Variants in CHST9 observed in about 807,000 individuals in gnomAD.
The protein encoded by CHST9 is GalNAc-4-sulfotransferase 2.
A neutral mutation model predicts 44.4 loss-of-function variants in CHST9; 41 were observed. The observed-to-expected ratio is 0.92, with a 90% CI of 0.72 to 1.20. The LOEUF is 1.20. CHST9 is among the 50% of genes most tolerant of loss of function. CHST9 has a pLI of 0.00. For synonymous variants in CHST9, 171 were observed against 178.4 expected (o/e 0.96, Z 0.33); for missense variants, 504 against 516.5 (o/e 0.98, Z 0.23).
intron 4 of CHST9, among the ~76,000 whole-genome samples, chr18:26,964,338 G>A (rs1154215): frequency 6.6e-6 from 1 of 151,912 alleles, no homozygotes; most frequent in African/African-American, 2.4e-5. Flanking sequence ...ATTCTCAACC[G>A]CCCACCTGTT....
At chr18:26,956,199 C>T (rs1314483223) in intron 4 of CHST9, among the ~76,000 whole-genome samples, 1 of 150,942 alleles carries the variant, frequency 6.6e-6, no homozygotes, top group South Asian at 2.1e-4. Flanking sequence ...GTAGTCCCAG[C>T]TACTCAGGAG....
chr18:26,942,193 C>G (rs1598579407), intron 5 of CHST9, among the ~76,000 whole-genome samples: 1 of 152,056 alleles, frequency 6.6e-6, no homozygotes, highest in Admixed American at 6.5e-5. Context: ...TTTCTTGACT[C>G]TCTGCCAGAG....
At chr18:27,081,726 C>T (rs2057962702) in intron 2 of CHST9, among the ~76,000 whole-genome samples, 1 of 152,028 alleles carries the variant, frequency 6.6e-6, no homozygotes, top group Admixed American at 6.6e-5. Flanking sequence ...TAAAGTTTGC[C>T]TTAAGGTCCT....
intron 4 of CHST9, among the ~76,000 whole-genome samples, chr18:26,950,142 C>A (rs147205939): frequency 6.6e-6 from 1 of 152,192 alleles, no homozygotes; most frequent in African/African-American, 2.4e-5. Context: ...TTTTTCTCAG[C>A]TGTTCCTCAA....
rs540291413 is a variant in CHST9 at position 27,107,917 on chromosome 18, G to T, written c.121+34772C>A. Among the ~76,000 whole-genome samples, 6 of 152,282 alleles carry T rather than the reference G, an allele frequency of 3.9e-5. No homozygotes were observed. In the East Asian group the frequency reaches 1.2e-3, roughly 29 times the overall value. On this transcript the variant is annotated intron_variant, in intron 2 of 5. Coordinates refer to ENST00000618847, the MANE Select transcript of CHST9 (RefSeq NM_031422.6). The stretch of plus-strand genomic sequence containing the variant: ...CAGATTCCCCATCATGTGCATTTCT[G>T]CTTTGTGTTCTAGTTACACTCAATC...
intron 4 of CHST9, among the ~76,000 whole-genome samples, chr18:26,997,426 C>G (rs926535257): frequency 2.0e-5 from 3 of 152,178 alleles, no homozygotes; most frequent in African/African-American, 7.2e-5. Context: ...GTTACTTCTT[C>G]TTACATAATC....
intron 4 of CHST9, among the ~76,000 whole-genome samples, chr18:26,953,861 A>G (rs2056284954): frequency 1.3e-5 from 2 of 152,162 alleles, no homozygotes; most frequent in Non-Finnish European, 2.9e-5. Context: ...TTTCTGTACT[A>G]TCACCTACAT....
At chr18:26,920,554 T>C (rs1899200685) in intron 5 of CHST9, among the ~76,000 whole-genome samples, 1 of 152,234 alleles carries the variant, frequency 6.6e-6, no homozygotes, top group South Asian at 2.1e-4. Context: ...AGAGGTCTTA[T>C]CTTTCTTGCT....
At chr18:26,967,945 C>G (rs1426854447) in intron 4 of CHST9, among the ~76,000 whole-genome samples, 1 of 152,234 alleles carries the variant, frequency 6.6e-6, no homozygotes, top group Non-Finnish European at 1.5e-5. Flanking sequence ...GAACATCAGA[C>G]TCCAAGTTCT....
chr18:27,079,794 G>C (rs972338112), intron 2 of CHST9, among the ~76,000 whole-genome samples: 2 of 152,162 alleles, frequency 1.3e-5, no homozygotes, highest in East Asian at 3.9e-4. Flanking sequence ...GCCTTCTGCA[G>C]CTTCTAGAGG....
At chr18:27,017,278 A>G (rs2057166241) in intron 4 of CHST9, among the ~76,000 whole-genome samples, 1 of 152,218 alleles carries the variant, frequency 6.6e-6, no homozygotes, top group African/African-American at 2.4e-5. Context: ...TAAGTCAAAG[A>G]ACATCATATT....
intron 4 of CHST9, among the ~76,000 whole-genome samples, chr18:26,989,793 T>C (rs1465597603): frequency 6.6e-6 from 1 of 151,876 alleles, no homozygotes; most frequent in Non-Finnish European, 1.5e-5. Context: ...CTACTAACAA[T>C]ACAATAATTA....
intron 4 of CHST9, among the ~76,000 whole-genome samples, chr18:26,985,912 T>C (rs943596982): frequency 1.3e-5 from 2 of 152,214 alleles, no homozygotes; most frequent in Non-Finnish European, 2.9e-5. Context: ...AGTTTTAGAC[T>C]GGTCACTGTT....
intron 5 of CHST9, among the ~76,000 whole-genome samples, chr18:26,939,318 G>T (rs2056047083): frequency 6.6e-6 from 1 of 152,142 alleles, no homozygotes; most frequent in African/African-American, 2.4e-5. Flanking sequence ...GTACGTTGAT[G>T]AAATAGTTTT....
intron 4 of CHST9, among the ~76,000 whole-genome samples, chr18:26,966,475 T>A (rs2056466154): frequency 6.6e-6 from 1 of 152,238 alleles, no homozygotes. Context: ...TTGCCTTAAA[T>A]GATTTTGAAA....
intron 4 of CHST9, among the ~76,000 whole-genome samples, chr18:26,999,188 A>G (rs2056920867): frequency 6.6e-6 from 1 of 152,262 alleles, no homozygotes; most frequent in Non-Finnish European, 1.5e-5. Flanking sequence ...CTACATTTAT[A>G]TGAAACAGTA....
rs148820279 is a variant in CHST9 at position 27,098,866 on chromosome 18, A to G, written c.121+43823T>C. On this transcript the variant is annotated intron_variant, in intron 2 of 5. Transcript: ENST00000618847. ...CAAACCTATCCTAAAACTCACTTCA[A>G]TGAAAAAGGAGCCTGAATAGTGAAA... 3.6e-3 allele frequency among the ~76,000 whole-genome samples: 552 copies of G among 152,212 alleles called. 2 individuals are homozygous for G. Among genetic ancestry groups the G allele is most frequent in the Non-Finnish European group, 6.6e-3 (448 of 67,964 alleles).
intron 2 of CHST9, among the ~76,000 whole-genome samples, chr18:27,104,205 C>T (rs1052138085): frequency 3.3e-5 from 5 of 149,784 alleles, no homozygotes; most frequent in Non-Finnish European, 2.9e-5. Flanking sequence ...ATTCTACATC[C>T]TTCCAAGCTT....
chr18:27,084,136 G>T (rs1233812536), intron 2 of CHST9, among the ~76,000 whole-genome samples: 2 of 151,654 alleles, frequency 1.3e-5, no homozygotes, highest in Non-Finnish European at 2.9e-5. Flanking sequence ...CCAGATTTTG[G>T]TATCAGAATG....
Sources: allele counts gnomAD v4.1 joint callset (sites outside exome capture counted in the v4.1 genomes callset), GRCh38; gene constraint gnomAD v4.1.1; transcripts MANE v1.5; gene names NCBI Gene and HGNC (gene_info 2026-07-23, HGNC 2026-07-21).